ABCA9: variants seen among roughly 807,000 people sequenced by gnomAD.
ABCA9 encodes ATP-binding cassette sub-family A member 9.
A neutral mutation model predicts 205.3 loss-of-function variants in ABCA9; 183 were observed. That is an observed-to-expected ratio of 0.89 (90% CI 0.79 to 1.01). The LOEUF is 1.01. ABCA9 is among the 50% of genes least tolerant of loss of function. The pLI, the probability that ABCA9 is intolerant of heterozygous loss-of-function variation, is 0.00. For missense variants in ABCA9, 1,805 were observed against 1,912.4 expected, an observed-to-expected ratio of 0.94 and a Z score of 1.05; for synonymous variants, 651 against 683.3, an observed-to-expected ratio of 0.95 and a Z score of 0.74.
the ABCA9 span, among the ~76,000 whole-genome samples, chr17:69,070,440 G>T: frequency 5.9e-5 from 9 of 152,100 alleles, no homozygotes; most frequent in African/African-American, 1.9e-4. Flanking sequence ...AGCCCATTGA[G>T]GGGGAGCAGA....
chr17:69,013,097 C>G (rs1265975914), intron 22 of ABCA9, among the ~76,000 whole-genome samples: 1 of 152,170 alleles, frequency 6.6e-6, no homozygotes, highest in East Asian at 1.9e-4. Context: ...ATATGTACCT[C>G]ATTTTCTTTA....
chr17:69,061,200 T>C, upstream of ABCA9: 1 of 970,606 alleles, frequency 1.0e-6, no homozygotes, highest in South Asian at 4.8e-5. Context: ...GAATCTAGCC[T>C]TTCTCAATCG....
chr17:68,993,078 G>A lies in ABCA9; in HGVS notation c.3562C>T (p.Pro1188Ser), dbSNP rs1316930968. ...GSLFIFSEIS[P>S]DSMDYLGASE... is the part of the protein sequence containing the mutation. ...GCTCCTAAGTAATCCATGGAATCAG[G>A]AGAAATCTGTAAAATGAGCAGTAAG... The change falls in exon 27 of 39, where the codon CCT becomes TCT. Residue 1188 changes from proline (P) to serine (S), a missense_variant. Transcript: ENST00000340001. The A allele has an allele frequency of 5.0e-6, 8 of 1,613,162 alleles. No homozygotes were observed. Among genetic ancestry groups the A allele is most frequent in the Non-Finnish European group, 6.8e-6 (8 of 1,179,266 alleles).
rs1404589709 is a variant in ABCA9, at chr17:69,007,942, A to G, written c.3322-70T>C. 22 of 1,439,122 alleles carry G rather than the reference A, an allele frequency of 1.5e-5. No individual in the cohort carries two copies. In the Admixed American group the frequency reaches 3.7e-4, roughly 24 times the overall value. The allele number at this position is 1,439,122 out of a possible 1,614,324, so 89.1% of individuals were successfully genotyped here. On this transcript the variant is annotated intron_variant, in intron 24 of 38. Transcript: ENST00000340001. ...GAAGAGTACTCATATTTACTCTTCA[A>G]TTTTCCAAAACTATGCAATAGCACA... is the stretch of plus-strand genomic sequence containing the variant.
intron 3 of ABCA9, among the ~76,000 whole-genome samples, chr17:69,048,212 A>G (rs78827926): frequency 1.3e-5 from 2 of 152,166 alleles, no homozygotes; most frequent in African/African-American, 4.8e-5. Flanking sequence ...TTACAATTCA[A>G]GATGAGATTT....
Position 68,989,077 on chromosome 17 carries a change from T to G in ABCA9, c.3997A>C (p.Ser1333Arg), listed in dbSNP as rs1160775463. 1 of 1,613,400 alleles carries G rather than the reference T, an allele frequency of 6.2e-7. No homozygotes were observed. The highest frequency in any genetic ancestry group is 8.5e-7 in the Non-Finnish European group (1 of 1,179,516). Reference protein sequence around the residue: ...GLLGHNGAGKSTTIKMITGDT... With the variant: ...GLLGHNGAGKRTTIKMITGDT... ...CCAGTTATCATCTTAATAGTTGTAC[T>G]TTTACCAGCTCCATTGTGTCCTAAC... The change falls in exon 31 of 39, where the codon AGT becomes CGT. Residue 1333 changes from serine (S) to arginine (R), a missense_variant. Transcript: ENST00000340001.
At chr17:69,031,516 TG>T (rs752451154) in intron 10 of ABCA9, among the ~76,000 whole-genome samples, 164 of 152,314 alleles carry the variant, frequency 1.1e-3, no homozygotes, top group Non-Finnish European at 2.0e-3. Context: ...AGCAAAGATC[TG>T]GGGTATTAGA....
chr17:69,051,004 T>C (rs570771997), intron 2 of ABCA9, 27 bp downstream of exon 2: 2 of 1,597,872 alleles, frequency 1.3e-6, no homozygotes, highest in Admixed American at 1.7e-5. Context: ...CCTCTAAATA[T>C]GAGAACACAT....
intron 1 of ABCA9, among the ~76,000 whole-genome samples, chr17:69,057,163 T>G (rs2072092873): frequency 6.6e-6 from 1 of 152,182 alleles, no homozygotes; most frequent in Non-Finnish European, 1.5e-5. Flanking sequence ...CCTATACATA[T>G]GTGGATAGGT....
At chr17:69,060,677 T>C (rs759285220) in intron 1 of ABCA9, among the ~76,000 whole-genome samples, 189 bp downstream of exon 1, 1 of 152,174 alleles carries the variant, frequency 6.6e-6, no homozygotes, top group Non-Finnish European at 1.5e-5. Flanking sequence ...GGGGTAAAAA[T>C]TTAAATTCTT....
At position 68,984,314 on chromosome 17, in the gene ABCA9, G is replaced by A. The variant is rs1598330194; in HGVS notation, c.4380-139C>T. 9 of 1,134,578 alleles carry A rather than the reference G, an allele frequency of 7.9e-6. No homozygotes were observed. The East Asian group carries it at 2.2e-4, about 27-fold the overall frequency. 70.3% of individuals were successfully genotyped at this position (1,134,578 alleles called of 1,614,324 possible). On this transcript the variant is annotated intron_variant, in intron 34 of 38. Coordinates refer to ENST00000340001, the MANE Select transcript of ABCA9 (RefSeq NM_080283.4). Reference sequence around the variant, plus strand: ...ACAAAAAAGGGGTGTGTGTAGGGATGACAGGCACGGAAACCAAACTATTGG... The same window carrying A: ...ACAAAAAAGGGGTGTGTGTAGGGATAACAGGCACGGAAACCAAACTATTGG...
Position 69,023,565 on chromosome 17 carries a change from G to A in ABCA9, c.2281+649C>T, listed in dbSNP as rs533912170. ...GATTCAAGCATGCAGCAATGGCCCC[G>A]GTATAATTTCTTGAACTTGATATGG... On this transcript the variant is annotated intron_variant, in intron 17 of 38. Coordinates refer to ENST00000340001, the MANE Select transcript of ABCA9 (RefSeq NM_080283.4). The surrounding 1 kb of genome is among the most constrained non-coding windows in gnomAD (Gnocchi z 4.2). Among the ~76,000 whole-genome samples the A allele has an allele frequency of 1.3e-4, 20 of 152,202 alleles. No homozygotes were observed. The South Asian group carries it at 2.9e-3, about 22-fold the overall frequency.
At chr17:69,053,521 CA>C (rs1320634952) in intron 1 of ABCA9, among the ~76,000 whole-genome samples, 4 of 151,816 alleles carry the variant, frequency 2.6e-5, no homozygotes, top group African/African-American at 9.7e-5. Context: ...AAGAGAGAAC[CA>C]AAAATAAATG....
At chr17:68,986,509 C>A in intron 31 of ABCA9, 185 bp from the exon 32 acceptor site, 1 of 507,976 alleles carries the variant, frequency 2.0e-6, no homozygotes, top group Non-Finnish European at 3.4e-6. Flanking sequence ...GGCAGACATT[C>A]CATGGTTATC....
intron 22 of ABCA9, among the ~76,000 whole-genome samples, chr17:69,015,250 C>A (rs1480627311): frequency 6.6e-6 from 1 of 152,070 alleles, no homozygotes; most frequent in African/African-American, 2.4e-5. Flanking sequence ...TTTGACCCTG[C>A]AAAGTTTAAA....
chr17:68,983,018 TAA>T (rs954748088), intron 36 of ABCA9, among the ~76,000 whole-genome samples: 1 of 151,702 alleles, frequency 6.6e-6, no homozygotes, highest in East Asian at 1.9e-4. Context: ...AAAATGAAAA[TAA>T]AAAAATGAAA....
chr17:68,995,812 T>G lies in ABCA9; in HGVS notation c.3555+83A>C. ...TTTTAAACTTTGCACAGCTGAGGAC[T>G]CTATCTATATTTTTGCAATATTCAT... On this transcript the variant is annotated intron_variant, in intron 26 of 38. Coordinates refer to ENST00000340001, the MANE Select transcript of ABCA9 (RefSeq NM_080283.4). The G allele has an allele frequency of 2.6e-6, 4 of 1,537,482 alleles. No individual in the cohort carries two copies. The South Asian group carries it at 4.7e-5, about 18-fold the overall frequency.
At chr17:68,994,038 G>A (rs1414693170) in intron 26 of ABCA9, among the ~76,000 whole-genome samples, 1 of 152,114 alleles carries the variant, frequency 6.6e-6, no homozygotes, top group African/African-American at 2.4e-5. Context: ...ACCATGCCCT[G>A]CTAATTTTTG....
At chr17:69,029,313 C>A (rs1015002803) in intron 10 of ABCA9, 86 bp from the exon 11 acceptor site, 1 of 767,588 alleles carries the variant, frequency 1.3e-6, no homozygotes, top group Non-Finnish European at 2.0e-6. Context: ...TAATCAAAGC[C>A]TCAAAGAAAA....
Sources: gnomAD v4.1 joint callset for allele counts (sites outside exome capture counted in the v4.1 genomes callset) on GRCh38, gnomAD v4.1.1 for gene constraint, Gnocchi (gnomAD v3.1) non-coding constraint, MANE v1.5 for transcripts, NCBI Gene and HGNC (gene_info 2026-07-23, HGNC 2026-07-21) for gene names.